The following DTWD2 variants were observed in gnomAD, a reference collection of about 807,000 sequenced individuals.
DTWD2 encodes tRNA-uridine aminocarboxypropyltransferase 2.
Under a neutral mutation model 31.8 loss-of-function variants are expected in DTWD2, and 39 were observed. That is an observed-to-expected ratio of 1.22 (90% CI 0.95 to 1.60). The LOEUF (loss-of-function observed/expected upper bound fraction) is 1.60, where lower values mean the gene tolerates loss of function less well. Among genes scored for constraint, DTWD2 ranks in the 40% most tolerant of loss-of-function variants. The pLI is 0.00. For missense variants in DTWD2, 515 were observed against 381.5 expected, an observed-to-expected ratio of 1.35 and a Z score of -2.92; for synonymous variants, 180 against 142.8, an observed-to-expected ratio of 1.26 and a Z score of -1.86.
At chr5:118,973,976 G>T (rs1404825860) in intron 1 of DTWD2, 10 of 1,584,626 alleles carry the variant, frequency 6.3e-6, no homozygotes, top group Non-Finnish European at 8.6e-6. Context: ...AGAAGGTGGG[G>T]AGGAAGAGGA....
At chr5:118,978,069 C>A (rs533774745) in intron 1 of DTWD2, among the ~76,000 whole-genome samples, 1 of 151,810 alleles carries the variant, frequency 6.6e-6, no homozygotes, top group Admixed American at 6.6e-5. Flanking sequence ...ACCATCTGAT[C>A]TTCCACAAGC....
At chr5:118,947,167 G>A (rs969748990) in intron 1 of DTWD2, among the ~76,000 whole-genome samples, 2 of 152,142 alleles carry the variant, frequency 1.3e-5, no homozygotes, top group Non-Finnish European at 2.9e-5. Context: ...GCCGGCAGGT[G>A]CAAAACTCCA....
At chr5:118,973,664 T>TCCTTGCTCGCCGCAGCCG in intron 1 of DTWD2, 1 of 726,272 alleles carries the variant, frequency 1.4e-6, no homozygotes, top group Non-Finnish European at 2.1e-6. Flanking sequence ...CGCGGCAGCC[T>TCCTTGCTCGCCGCAGCCG]CCTTGCTCGC....
At chr5:118,855,641 G>C (rs1752116470) in intron 4 of DTWD2, among the ~76,000 whole-genome samples, 1 of 152,088 alleles carries the variant, frequency 6.6e-6, no homozygotes, top group African/African-American at 2.4e-5. Flanking sequence ...TTAGTATCAA[G>C]ACTGACATGA....
chr5:118,959,099 AG>A (rs1754652707), intron 1 of DTWD2, among the ~76,000 whole-genome samples: 1 of 152,184 alleles, frequency 6.6e-6, no homozygotes, highest in East Asian at 1.9e-4. Context: ...TCCTGGCCAG[AG>A]AAATCCGGCA....
At position 118,973,641 on chromosome 5, in the gene DTWD2, CAGCCTCCTTGCTCGCG is replaced by C. The variant is rs1183203479; in HGVS notation, c.218+14637_218+14652del. Among the ~76,000 whole-genome samples the C allele has an allele frequency of 3.4e-4, 51 of 149,400 alleles. No homozygotes were observed. In the East Asian group the frequency reaches 4.9e-3, roughly 14 times the overall value. On this transcript the variant is annotated intron_variant, in intron 1 of 5. Coordinates refer to ENST00000510708, the MANE Select transcript of DTWD2 (RefSeq NM_173666.4). Reference sequence around the variant, plus strand: ...CTCGCGGCAGCCTCCTTGCTCGCGGCAGCCTCCTTGCTCGCGGCAGCCTCCTTGCTCGCCGCAGCCG... The same window carrying C: ...CTCGCGGCAGCCTCCTTGCTCGCGGCGCAGCCTCCTTGCTCGCCGCAGCCG...
In DTWD2 at chr5:118,838,308, G is replaced by A. The variant is rs17144715; in HGVS notation, c.*2609C>T. On this transcript the variant is annotated 3_prime_UTR_variant, in exon 6 of 6. Transcript: ENST00000510708. ...ACACGGTTCAAATAACTCACAAAACGATCTACACAACATCAAAGTGCAGAT... is the reference window on the plus strand; with the variant it reads ...ACACGGTTCAAATAACTCACAAAACAATCTACACAACATCAAAGTGCAGAT... 2.0e-5 allele frequency: 3 copies of A among 151,212 alleles called. No homozygotes were observed. The highest frequency in any genetic ancestry group is 2.0e-4 in the East Asian group (1 of 5,080). 9.4% of individuals were successfully genotyped at this position (151,212 alleles called of 1,614,324 possible). A position where few individuals can be genotyped will look rare whatever the true frequency, so the allele number is the denominator to read the frequency against.
At chr5:118,939,810 C>T (rs1754140783) in intron 2 of DTWD2, among the ~76,000 whole-genome samples, 1 of 152,098 alleles carries the variant, frequency 6.6e-6, no homozygotes, top group Admixed American at 6.6e-5. Flanking sequence ...AGAAGCCAAT[C>T]TTAAAGAGCT....
chr5:118,898,395 C>T (rs145489541), intron 4 of DTWD2, among the ~76,000 whole-genome samples: 15 of 151,838 alleles, frequency 9.9e-5, no homozygotes, highest in African/African-American at 3.1e-4. Context: ...CAGTGGCTCA[C>T]GCCTGTAATC....
intron 1 of DTWD2, chr5:118,974,220 G>T (rs923709490): frequency 2.6e-6 from 3 of 1,158,456 alleles, no homozygotes; most frequent in Non-Finnish European, 3.8e-6. Flanking sequence ...GGTCACCTTC[G>T]AGTAGAGAGG....
At chr5:118,870,195 A>G (rs1752471248) in intron 4 of DTWD2, among the ~76,000 whole-genome samples, 1 of 152,220 alleles carries the variant, frequency 6.6e-6, no homozygotes, top group African/African-American at 2.4e-5. Context: ...CCATATAGCA[A>G]TGCAAACAGC....
intron 4 of DTWD2, among the ~76,000 whole-genome samples, chr5:118,916,209 T>C (rs934960986): frequency 6.6e-6 from 1 of 152,208 alleles, no homozygotes; most frequent in Non-Finnish European, 1.5e-5. Flanking sequence ...GACAACTCTG[T>C]TGCCTATCTG....
chr5:118,939,200 C>T lies in DTWD2; in HGVS notation c.400G>A (p.Glu134Lys), dbSNP rs748293505. The T allele has an allele frequency of 8.7e-6, 14 of 1,601,960 alleles. No homozygotes were observed. In the East Asian group the frequency reaches 2.9e-4, roughly 34 times the overall value. ...TTGCCCTAACAGTTAATTTACCTTT[C>T]TTCACTGAAGCGACGACCGATCTTC... is the stretch of plus-strand genomic sequence containing the variant. ...KVKIGRRFSEERDPELSTVCR... is the reference protein window; with the variant it reads ...KVKIGRRFSEKRDPELSTVCR... The change falls in exon 3 of 6, where the codon GAA becomes AAA. Residue 134 changes from glutamate (E) to lysine (K), a missense_variant. Glu to Lys is a moderately conservative substitution (Grantham distance 56). Transcript: ENST00000510708.
At position 118,988,361 on chromosome 5, in the gene DTWD2, T is replaced by C. The variant is rs753448771; in HGVS notation, c.151A>G (p.Ser51Gly). The C allele has an allele frequency of 1.9e-6, 3 of 1,567,476 alleles. No homozygotes were observed. The highest frequency in any genetic ancestry group is 1.2e-5 in the South Asian group (1 of 86,220). Residue 51 changes from serine (S) to glycine (G), a missense_variant, in exon 1 of 6, where the codon AGT becomes GGT. By Grantham distance (56) the Ser-to-Gly change is moderately conservative. Coordinates refer to ENST00000510708, the MANE Select transcript of DTWD2 (RefSeq NM_173666.4). Reference protein sequence around the residue: ...AALGAEADDDSADGLWELPVE... With the variant: ...AALGAEADDDGADGLWELPVE... Reference sequence around the variant, plus strand: ...GGCAGCTCCCACAGCCCGTCCGCACTGTCGTCGTCCGCCTCTGCGCCCAGG... The same window carrying C: ...GGCAGCTCCCACAGCCCGTCCGCACCGTCGTCGTCCGCCTCTGCGCCCAGG...
intron 4 of DTWD2, among the ~76,000 whole-genome samples, chr5:118,853,388 C>T (rs559080589): frequency 6.6e-6 from 1 of 152,184 alleles, no homozygotes; most frequent in East Asian, 1.9e-4. Flanking sequence ...CTCAGCAATC[C>T]AATTACTGGC....
chr5:118,941,566 T>C (rs1175838591), intron 2 of DTWD2, among the ~76,000 whole-genome samples: 1 of 152,270 alleles, frequency 6.6e-6, no homozygotes, highest in Non-Finnish European at 1.5e-5. Context: ...ATTTTCTTAA[T>C]CCAGTCTATC....
chr5:118,858,642 GCT>G (rs989171782), intron 4 of DTWD2, among the ~76,000 whole-genome samples: 1 of 151,986 alleles, frequency 6.6e-6, no homozygotes, highest in Admixed American at 6.6e-5. Flanking sequence ...CTAGTTCCTT[GCT>G]CTTTTTTTAA....
chr5:118,880,317 A>G (rs898220081), intron 4 of DTWD2, among the ~76,000 whole-genome samples: 5 of 152,208 alleles, frequency 3.3e-5, no homozygotes, highest in African/African-American at 1.2e-4. Flanking sequence ...CTGTTTTAAA[A>G]ATTAATGAGC....
chr5:118,890,349 T>C (rs997145305), intron 4 of DTWD2, among the ~76,000 whole-genome samples: 1 of 152,162 alleles, frequency 6.6e-6, no homozygotes, highest in Non-Finnish European at 1.5e-5. Flanking sequence ...TTTTATACAT[T>C]TTAAGGTTCT....
Sources: allele counts gnomAD v4.1 joint callset (sites outside exome capture counted in the v4.1 genomes callset), GRCh38; gene constraint gnomAD v4.1.1; transcripts MANE v1.5; gene names NCBI Gene and HGNC (gene_info 2026-07-23, HGNC 2026-07-21).